Variants in SMARCC1 observed in about 807,000 individuals in gnomAD.
The protein encoded by SMARCC1 is SWI/SNF related BAF chromatin remodeling complex subunit C1.
A neutral mutation model predicts 147.4 loss-of-function variants in SMARCC1; 43 were observed. That is an observed-to-expected ratio of 0.29 (90% CI 0.23 to 0.38). The LOEUF is 0.38. Ranked by LOEUF, SMARCC1 falls within the 10% of genes least tolerant of loss-of-function variation. The pLI, the probability that SMARCC1 is intolerant of heterozygous loss-of-function variation, is 1.00. For missense variants in SMARCC1, 1,119 were observed against 1,381.1 expected (o/e 0.81, Z 3.01); for synonymous variants, 495 against 484.4 (o/e 1.02, Z -0.29).
chr3:47,738,207 T>A, intron 3 of SMARCC1, 97 bp from the exon 4 acceptor site: 1 of 730,224 alleles, frequency 1.4e-6, no homozygotes, highest in Non-Finnish European at 2.2e-6. Flanking sequence ...TAGAAAGATT[T>A]GAAAATTAAA....
chr3:47,726,042 G>A lies in SMARCC1; in HGVS notation c.646+2983C>T, dbSNP rs752084074. ...ACGCCACTGCACTCCAGCCTGGGTA[G>A]AAGAGTGAGACTCTGTCTCAAAAAA... On this transcript the variant is annotated intron_variant, in intron 6 of 27. Coordinates refer to ENST00000254480, the MANE Select transcript of SMARCC1 (RefSeq NM_003074.4). Among the ~76,000 whole-genome samples the A allele has an allele frequency of 3.5e-3, 346 of 98,896 alleles. 2 individuals are homozygous for A. The highest frequency in any genetic ancestry group is 0.012 in the African/African-American group (323 of 27,920). The allele number at this position is 98,896 out of a possible 152,430, so 64.9% of individuals were successfully genotyped here.
chr3:47,689,700 A>G (rs1472567460), intron 12 of SMARCC1, among the ~76,000 whole-genome samples: 1 of 152,254 alleles, frequency 6.6e-6, no homozygotes, highest in Non-Finnish European at 1.5e-5. Flanking sequence ...CATGATCTTA[A>G]TAACAGATAC....
intron 24 of SMARCC1, among the ~76,000 whole-genome samples, chr3:47,624,860 G>A (rs1394575608): frequency 6.7e-6 from 1 of 149,382 alleles, no homozygotes; most frequent in East Asian, 2.0e-4. Context: ...AACCAGCCTG[G>A]CCAACATAGT....
At chr3:47,679,212 CAA>C (rs577481119) in intron 15 of SMARCC1, among the ~76,000 whole-genome samples, 47 of 93,392 alleles carry the variant, frequency 5.0e-4, no homozygotes, top group Admixed American at 5.2e-4. Context: ...GACTTTGTCT[CAA>C]AAAAAAAAAA....
chr3:47,625,062 A>G (rs1185449083), intron 24 of SMARCC1, among the ~76,000 whole-genome samples: 1 of 152,130 alleles, frequency 6.6e-6, no homozygotes, highest in Non-Finnish European at 1.5e-5. Flanking sequence ...AAATGAAACA[A>G]GACTGGTAAA....
intron 2 of SMARCC1, among the ~76,000 whole-genome samples, chr3:47,762,952 G>C (rs1354362742): frequency 2.6e-5 from 4 of 152,010 alleles, no homozygotes; most frequent in African/African-American, 9.7e-5. Context: ...TGTAGTCCCA[G>C]CTACTCGGGA....
chr3:47,717,280 G>A (rs2034166880), intron 7 of SMARCC1, among the ~76,000 whole-genome samples: 1 of 152,108 alleles, frequency 6.6e-6, no homozygotes. Context: ...CAATTTAAGG[G>A]AAATACAGAG....
At chr3:47,724,967 G>A (rs917557402) in intron 6 of SMARCC1, among the ~76,000 whole-genome samples, 1 of 130,602 alleles carries the variant, frequency 7.7e-6, no homozygotes, top group Admixed American at 9.5e-5. Context: ...GGGAGGACAA[G>A]GCTACATGGA....
At chr3:47,618,510 T>G (rs967526801) in intron 25 of SMARCC1, among the ~76,000 whole-genome samples, 1 of 152,056 alleles carries the variant, frequency 6.6e-6, no homozygotes, top group Non-Finnish European at 1.5e-5. Flanking sequence ...ACTGCACCAC[T>G]GCACTCCAGC....
chr3:47,644,165 G>A (rs1197520270), intron 21 of SMARCC1, among the ~76,000 whole-genome samples: 1 of 151,974 alleles, frequency 6.6e-6, no homozygotes, highest in Non-Finnish European at 1.5e-5. Flanking sequence ...GGGTGACAGA[G>A]GGAGACCTTG....
intron 26 of SMARCC1, among the ~76,000 whole-genome samples, chr3:47,592,162 C>CTG: frequency 6.6e-6 from 1 of 152,178 alleles, no homozygotes; most frequent in African/African-American, 2.4e-5. Context: ...AAAATACCTC[C>CTG]TGTATTCAGT....
rs573200036 is a variant in SMARCC1 at position 47,691,576 on chromosome 3, T to G, written c.1225+1665A>C. On this transcript the variant is annotated intron_variant, in intron 12 of 27. Coordinates refer to ENST00000254480, the MANE Select transcript of SMARCC1 (RefSeq NM_003074.4). ...TTGCAGTGAGCCAAGATCACACTAT[T>G]GCACTCCAGGCTGGGTGACAAGAGC... is the stretch of plus-strand genomic sequence containing the variant. Among the ~76,000 whole-genome samples, 33 of 151,878 alleles carry G rather than the reference T, an allele frequency of 2.2e-4. 1 individual carries two copies. In the South Asian group the frequency reaches 5.6e-3, roughly 26 times the overall value.
chr3:47,727,327 T>C, intron 6 of SMARCC1, among the ~76,000 whole-genome samples: 1 of 151,554 alleles, frequency 6.6e-6, no homozygotes, highest in East Asian at 1.9e-4. Flanking sequence ...GCCAAGACGG[T>C]GAAACCCCAT....
intron 11 of SMARCC1, 135 bp downstream of exon 11, chr3:47,701,143 A>G (rs2033912182): frequency 1.7e-6 from 1 of 605,984 alleles, no homozygotes. Flanking sequence ...TTAAAAAAAG[A>G]TATCCATAAA....
intron 26 of SMARCC1, among the ~76,000 whole-genome samples, chr3:47,599,995 A>G (rs912129402): frequency 6.6e-6 from 1 of 152,122 alleles, no homozygotes; most frequent in Non-Finnish European, 1.5e-5. Context: ...CTATTACCCT[A>G]CATCTTTATG....
chr3:47,680,521 A>AG lies in SMARCC1; in HGVS notation c.1386-14dup. ...AATCACATGAATACTGAAAAGAAGA[A>AG]GAAAAAAAGATTTAGGAGTGTTCTT... On this transcript the variant is annotated splice_polypyrimidine_tract_variant and intron_variant, in intron 14 of 27. Transcript: ENST00000254480. The AG allele has an allele frequency of 2.0e-6, 3 of 1,536,216 alleles. No homozygotes were observed. Among genetic ancestry groups the AG allele is most frequent in the Non-Finnish European group, 2.7e-6 (3 of 1,130,650 alleles).
intron 10 of SMARCC1, among the ~76,000 whole-genome samples, chr3:47,703,492 T>C (rs1310917183): frequency 6.6e-6 from 1 of 152,146 alleles, no homozygotes; most frequent in Non-Finnish European, 1.5e-5. Flanking sequence ...AGCAAGATCT[T>C]GTCTGGCAAA....
intron 26 of SMARCC1, among the ~76,000 whole-genome samples, chr3:47,599,424 CAT>C (rs1576383093): frequency 6.6e-6 from 1 of 152,196 alleles, no homozygotes; most frequent in Admixed American, 6.5e-5. Flanking sequence ...ACGTAGGAAA[CAT>C]GTGCTATGCC....
chr3:47,774,576 C>G (rs1203997374), intron 1 of SMARCC1, among the ~76,000 whole-genome samples: 1 of 151,886 alleles, frequency 6.6e-6, no homozygotes, highest in African/African-American at 2.4e-5. Flanking sequence ...CACCACCATT[C>G]CCGGCTAATT....
Sources: gnomAD v4.1 joint callset for allele counts (sites outside exome capture counted in the v4.1 genomes callset) on GRCh38, gnomAD v4.1.1 for gene constraint, MANE v1.5 for transcripts, NCBI Gene and HGNC (gene_info 2026-07-23, HGNC 2026-07-21) for gene names.